The following RELB variants were observed in gnomAD, a reference collection of about 807,000 sequenced individuals.
RELB encodes the protein RELB proto-oncogene, NF-kB subunit.
A neutral mutation model predicts 55.4 loss-of-function variants in RELB; 14 were observed. That is an observed-to-expected ratio of 0.25 (90% CI 0.17 to 0.40). The LOEUF (loss-of-function observed/expected upper bound fraction) is 0.40. Among genes scored for constraint, RELB ranks in the 10% least tolerant of loss-of-function variants. RELB has a pLI of 1.00. For missense variants in RELB, 669 were observed against 830.7 expected (o/e 0.81, Z 2.39); for synonymous variants, 409 against 371.3 (o/e 1.10, Z -1.17).
intron 8 of RELB, among the ~76,000 whole-genome samples, chr19:45,030,881 G>A (rs527452531): frequency 9.2e-5 from 14 of 152,200 alleles, no homozygotes; most frequent in Non-Finnish European, 2.1e-4. Flanking sequence ...GTAGTGAAGA[G>A]TTCTAGCCTT....
rs200818596 is a variant in RELB, at chr19:45,037,541, A to G, written c.1491A>G (p.Thr497=). 4.0e-4 allele frequency: 652 copies of G among 1,612,426 alleles called. 2 individuals are homozygous for G. In the African/African-American group the frequency reaches 5.4e-3, roughly 13 times the overall value. The change falls in exon 12 of 12, where the codon ACA becomes ACG. Residue 497 remains threonine (T), a synonymous_variant. Coordinates refer to ENST00000221452, the MANE Select transcript of RELB (RefSeq NM_006509.4). ...TTGCCTACGACCCTACGGCCCCCAC[A>G]CTCTTCACCATGCTGGACCTGCTGC... ...DGFAYDPTAP[T]LFTMLDLLPP... is the part of the protein sequence containing the mutation.
intron 8 of RELB, among the ~76,000 whole-genome samples, chr19:45,029,602 C>G (rs373115416): frequency 2.6e-4 from 40 of 152,158 alleles, no homozygotes; most frequent in African/African-American, 9.4e-4. Flanking sequence ...GCAATCCCAG[C>G]ACTTTGGGAG....
intron 8 of RELB, among the ~76,000 whole-genome samples, chr19:45,032,028 G>C (rs1305430909): frequency 1.3e-5 from 2 of 151,550 alleles, no homozygotes; most frequent in Non-Finnish European, 2.9e-5. Flanking sequence ...ACGAGGTCAG[G>C]AGAGCGAGAC....
intron 2 of RELB, among the ~76,000 whole-genome samples, chr19:45,007,026 G>A (rs931111713): frequency 2.6e-5 from 4 of 151,974 alleles, no homozygotes; most frequent in African/African-American, 9.7e-5. Flanking sequence ...GGGGGATAAG[G>A]GGACTCTCTT....
chr19:45,025,307 C>T, intron 5 of RELB, 22 bp from the exon 6 acceptor site: 1 of 1,575,394 alleles, frequency 6.3e-7, no homozygotes. Context: ...GCACTCCTCT[C>T]CCTCCCCCGT....
Position 45,034,426 on chromosome 19 carries a change from G to A in RELB, c.1277-25G>A, listed in dbSNP as rs1376936244. The A allele has an allele frequency of 3.7e-6, 6 of 1,611,172 alleles. No homozygotes were observed. In the South Asian group the frequency reaches 6.6e-5, roughly 18 times the overall value. On this transcript the variant is annotated intron_variant, in intron 10 of 11. Transcript: ENST00000221452. ...GGAGGAAGGGCTGTCGGGGAACAGGGGTCCTCATCTCTGCCTTCCCTCAGA... is the reference window on the plus strand; with the variant it reads ...GGAGGAAGGGCTGTCGGGGAACAGGAGTCCTCATCTCTGCCTTCCCTCAGA...
chr19:45,037,807 G>A lies in RELB; in HGVS notation c.*17G>A. 1 of 1,477,844 alleles carries A rather than the reference G, an allele frequency of 6.8e-7. No individual in the cohort carries two copies. Among genetic ancestry groups the A allele is most frequent in the Non-Finnish European group, 8.9e-7 (1 of 1,118,372 alleles). The allele number at this position is 1,477,844 out of a possible 1,614,324, so 91.5% of individuals were successfully genotyped here. A position where few individuals can be genotyped will look rare whatever the true frequency, so the allele number is the denominator to read the frequency against. The stretch of plus-strand genomic sequence containing the variant: ...GCCACGTAGCCCCGCGATGCCAGAG[G>A]AGGGGCACTGGGTGGGGAGGGAGGT... On this transcript the variant is annotated 3_prime_UTR_variant, in exon 12 of 12. Coordinates refer to ENST00000221452, the MANE Select transcript of RELB (RefSeq NM_006509.4).
At chr19:45,018,949 G>A (rs750044026) in intron 4 of RELB, among the ~76,000 whole-genome samples, 1 of 152,092 alleles carries the variant, frequency 6.6e-6, no homozygotes, top group Non-Finnish European at 1.5e-5. Flanking sequence ...GAGCCACCGC[G>A]CTCGGCTGAA....
chr19:45,019,129 C>T (rs889737567), intron 4 of RELB, among the ~76,000 whole-genome samples: 3 of 152,102 alleles, frequency 2.0e-5, no homozygotes, highest in Admixed American at 2.0e-4. Flanking sequence ...GTGACGCCAT[C>T]ACAGCTCACT....
At chr19:45,037,332 G>A (rs1313098874) in intron 11 of RELB, 73 bp from the exon 12 acceptor site, 15 of 1,433,746 alleles carry the variant, frequency 1.0e-5, no homozygotes, top group Non-Finnish European at 1.4e-5. Context: ...CAGGGAGTAG[G>A]GCATTTGATT....
intron 4 of RELB, among the ~76,000 whole-genome samples, chr19:45,021,016 A>T (rs1971479162): frequency 6.6e-6 from 1 of 152,046 alleles, no homozygotes; most frequent in Non-Finnish European, 1.5e-5. Context: ...CTCTACTGAA[A>T]ACACAAAAAT....
chr19:45,004,780 T>C (rs1317867762), intron 2 of RELB, among the ~76,000 whole-genome samples: 1 of 151,684 alleles, frequency 6.6e-6, no homozygotes, highest in Non-Finnish European at 1.5e-5. Context: ...GGCAGGAGAA[T>C]CACTTGAACC....
chr19:45,010,447 G>A (rs1452048324), intron 3 of RELB, among the ~76,000 whole-genome samples: 2 of 151,720 alleles, frequency 1.3e-5, no homozygotes, highest in African/African-American at 4.8e-5. Context: ...ATAGCCCGGT[G>A]TGGGAGACAG....
At chr19:45,002,851 G>C in intron 1 of RELB, 98 bp from the exon 2 acceptor site, 1 of 989,766 alleles carries the variant, frequency 1.0e-6, no homozygotes, top group Admixed American at 2.1e-5. Flanking sequence ...ATCCAGAGGG[G>C]AAGGGCTAGA....
intron 2 of RELB, among the ~76,000 whole-genome samples, chr19:45,003,924 T>TG (rs1879658564): frequency 1.6e-5 from 2 of 125,104 alleles, no homozygotes; most frequent in Non-Finnish European, 3.4e-5. Context: ...TGTTTTTTTT[T>TG]TTTTTTTTTT....
Position 45,021,723 on chromosome 19 carries a change from C to T in RELB, c.505-330C>T, listed in dbSNP as rs1014464085. 9.8e-5 allele frequency: 19 copies of T among 193,250 alleles called. No individual in the cohort carries two copies. In the South Asian group the frequency reaches 1.1e-3, roughly 12 times the overall value. 12.0% of individuals were successfully genotyped at this position (193,250 alleles called of 1,614,324 possible). Reference sequence around the variant, plus strand: ...CCGAGCAGGTGGGATTACAGGCATGCGCCACCATGCCGGGCTAATTTTTGT... The same window carrying T: ...CCGAGCAGGTGGGATTACAGGCATGTGCCACCATGCCGGGCTAATTTTTGT... On this transcript the variant is annotated intron_variant, in intron 4 of 11. Coordinates refer to ENST00000221452, the MANE Select transcript of RELB (RefSeq NM_006509.4).
Position 45,001,464 on chromosome 19 carries a change from G to A in RELB, c.-116G>A. Reference sequence around the variant, plus strand: ...CGCCCGGCCCGGCCCCGCGCCCCGCGCAGCCCCGGGCGCCGCGCGTCCTGC... The same window carrying A: ...CGCCCGGCCCGGCCCCGCGCCCCGCACAGCCCCGGGCGCCGCGCGTCCTGC... On this transcript the variant is annotated 5_prime_UTR_variant, in exon 1 of 12. Coordinates refer to ENST00000221452, the MANE Select transcript of RELB (RefSeq NM_006509.4). The A allele has an allele frequency of 4.8e-6, 1 of 209,634 alleles. No individual in the cohort carries two copies. The highest frequency in any genetic ancestry group is 8.3e-6 in the Non-Finnish European group (1 of 120,390). The allele number at this position is 209,634 out of a possible 1,614,324, so 13.0% of individuals were successfully genotyped here.
chr19:45,030,617 G>A (rs535835118), intron 8 of RELB, among the ~76,000 whole-genome samples: 8 of 152,264 alleles, frequency 5.3e-5, no homozygotes, highest in African/African-American at 1.9e-4. Flanking sequence ...GGGCAACACA[G>A]TGAGACTCTG....
intron 8 of RELB, among the ~76,000 whole-genome samples, chr19:45,029,416 T>TA (rs1971595269): frequency 6.6e-6 from 1 of 151,946 alleles, no homozygotes; most frequent in African/African-American, 2.4e-5. Context: ...AAACAGGCTT[T>TA]TAAAAAAAAA....
Sources: gnomAD v4.1 joint callset for allele counts (sites outside exome capture counted in the v4.1 genomes callset) on GRCh38, gnomAD v4.1.1 for gene constraint, MANE v1.5 for transcripts, NCBI Gene and HGNC (gene_info 2026-07-23, HGNC 2026-07-21) for gene names.